SYT1: variants seen among roughly 807,000 people sequenced by gnomAD.
SYT1 encodes the protein synaptotagmin-1.
In SYT1, 8 loss-of-function variants were observed where a neutral mutation model predicts 44.8. The observed-to-expected ratio is 0.18, with a 90% confidence interval of 0.10 to 0.32. The LOEUF is 0.32. Among genes scored for constraint, SYT1 ranks in the 10% least tolerant of loss-of-function variants. The pLI is 1.00. For synonymous variants in SYT1, 154 were observed against 188.8 expected (o/e 0.82, Z 1.51); for missense variants, 286 against 509.3 (o/e 0.56, Z 4.22).
chr12:79,401,153 T>A (rs1374651022), intron 9 of SYT1, among the ~76,000 whole-genome samples: 1 of 152,210 alleles, frequency 6.6e-6, no homozygotes, highest in Non-Finnish European at 1.5e-5. Context: ...CAAGGGCCAA[T>A]GGAATACTGG....
At chr12:79,198,606 G>A (rs911813877) in intron 3 of SYT1, among the ~76,000 whole-genome samples, 4 of 151,966 alleles carry the variant, frequency 2.6e-5, no homozygotes, top group South Asian at 2.1e-4. Context: ...CTCTCTGGAC[G>A]GTTTTGGAAT....
rs181939975 is a variant in SYT1 at position 79,081,949 on chromosome 12, A to G, written c.-18+34587A>G. On this transcript the variant is annotated intron_variant, in intron 3 of 10. Coordinates refer to ENST00000261205, the MANE Select transcript of SYT1 (RefSeq NM_005639.3). ...ATAAGCCTCTTATTTTCAAACCTGA[A>G]ATAAATACAAAAATATATAGAAAAA... 3.1e-4 allele frequency among the ~76,000 whole-genome samples: 47 copies of G among 152,278 alleles called. 1 individual carries two copies. The East Asian group carries it at 8.5e-3, about 28-fold the overall frequency.
At chr12:79,294,214 T>C (rs1879771675) in intron 6 of SYT1, among the ~76,000 whole-genome samples, 1 of 152,036 alleles carries the variant, frequency 6.6e-6, no homozygotes, top group South Asian at 2.1e-4. Flanking sequence ...AGAAAATAAA[T>C]AATAACACTG....
chr12:79,372,631 A>T (rs1883837190), intron 9 of SYT1, among the ~76,000 whole-genome samples: 1 of 152,206 alleles, frequency 6.6e-6, no homozygotes, highest in African/African-American at 2.4e-5. Flanking sequence ...GGCTGACAGT[A>T]TTTCTGAACA....
intron 3 of SYT1, among the ~76,000 whole-genome samples, chr12:79,185,446 C>T (rs918901487): frequency 6.6e-6 from 1 of 151,912 alleles, no homozygotes; most frequent in East Asian, 1.9e-4. Flanking sequence ...TTTCCAATAT[C>T]CCTTCTGTGT....
chr12:79,149,644 A>T (rs1375257920), intron 3 of SYT1, among the ~76,000 whole-genome samples: 1 of 152,156 alleles, frequency 6.6e-6, no homozygotes, highest in Non-Finnish European at 1.5e-5. Flanking sequence ...TTGATAAGTG[A>T]TAAATTTAAA....
At chr12:78,994,830 C>T (rs1354613945) in intron 2 of SYT1, among the ~76,000 whole-genome samples, 9 of 152,098 alleles carry the variant, frequency 5.9e-5, no homozygotes, top group African/African-American at 1.2e-4. Context: ...CCACTGTGCC[C>T]GGCCAATATT....
chr12:79,412,847 A>G (rs893243562), intron 9 of SYT1, among the ~76,000 whole-genome samples: 2 of 152,192 alleles, frequency 1.3e-5, no homozygotes, highest in Non-Finnish European at 2.9e-5. Context: ...TTGCTCAGCA[A>G]TAAACATCAT....
chr12:79,121,919 C>A (rs1192969341), intron 3 of SYT1, among the ~76,000 whole-genome samples: 1 of 152,068 alleles, frequency 6.6e-6, no homozygotes, highest in African/African-American at 2.4e-5. Flanking sequence ...TACAAGATAG[C>A]CTGATATATA....
intron 8 of SYT1, among the ~76,000 whole-genome samples, chr12:79,313,383 G>C (rs1434005071): frequency 6.6e-6 from 1 of 152,094 alleles, no homozygotes; most frequent in Non-Finnish European, 1.5e-5. Context: ...ATTTCTCAAG[G>C]TTCTTGCTGC....
At chr12:79,036,262 G>C (rs962957331) in intron 2 of SYT1, among the ~76,000 whole-genome samples, 1 of 151,766 alleles carries the variant, frequency 6.6e-6, no homozygotes, top group Non-Finnish European at 1.5e-5. Context: ...TTGTGTTACA[G>C]AATGTAAGTA....
chr12:79,260,081 G>A (rs994392093), intron 4 of SYT1, among the ~76,000 whole-genome samples: 1 of 152,168 alleles, frequency 6.6e-6, no homozygotes, highest in Non-Finnish European at 1.5e-5. Context: ...TGAAACTGGA[G>A]AGTATTGTAT....
At chr12:79,125,970 G>A (rs1031439457) in intron 3 of SYT1, among the ~76,000 whole-genome samples, 3 of 151,928 alleles carry the variant, frequency 2.0e-5, no homozygotes, top group Non-Finnish European at 4.4e-5. Context: ...ATTTAGTGTC[G>A]TTCTCAGTCC....
chr12:79,117,662 CATAT>C (rs57706449), intron 3 of SYT1, among the ~76,000 whole-genome samples: 891 of 38,852 alleles, frequency 0.023, 19 homozygotes, highest in Non-Finnish European at 0.024. Context: ...TGTATTACAT[CATAT>C]ATATATATAT....
intron 4 of SYT1, among the ~76,000 whole-genome samples, chr12:79,249,528 A>G (rs1224966260): frequency 6.6e-6 from 1 of 152,214 alleles, no homozygotes. Flanking sequence ...CTAGACTAGC[A>G]GCCCAATCAG....
Position 79,139,502 on chromosome 12 carries a change from TA to T in SYT1, c.-17-78000del, listed in dbSNP as rs1430693297. On this transcript the variant is annotated intron_variant, in intron 3 of 10. Coordinates refer to ENST00000261205, the MANE Select transcript of SYT1 (RefSeq NM_005639.3). ...TCTTAGGCTTATAAATATAAAGGAGTATTCCATAGTTATTTTATCTTCCTAT... is the reference window on the plus strand; with the variant it reads ...TCTTAGGCTTATAAATATAAAGGAGTTTCCATAGTTATTTTATCTTCCTAT... Among the ~76,000 whole-genome samples the T allele has an allele frequency of 2.6e-5, 4 of 152,064 alleles. No individual in the cohort carries two copies. In the East Asian group the frequency reaches 5.8e-4, roughly 22 times the overall value.
At chr12:79,194,674 A>G (rs530759403) in intron 3 of SYT1, among the ~76,000 whole-genome samples, 7 of 152,274 alleles carry the variant, frequency 4.6e-5, no homozygotes, top group Non-Finnish European at 1.0e-4. Flanking sequence ...CACTTGAAAC[A>G]CATAAATATA....
At chr12:79,194,654 T>TAC (rs1180211899) in intron 3 of SYT1, among the ~76,000 whole-genome samples, 20 of 152,138 alleles carry the variant, frequency 1.3e-4, no homozygotes, top group East Asian at 1.9e-4. Context: ...AACCACTGTG[T>TAC]ACACACACAC....
chr12:78,889,104 A>T (rs1408967506), intron 1 of SYT1, among the ~76,000 whole-genome samples: 1 of 151,786 alleles, frequency 6.6e-6, no homozygotes, highest in African/African-American at 2.4e-5. Flanking sequence ...TTATTTGAGA[A>T]CCTTATAGTT....
Sources: allele counts gnomAD v4.1 joint callset (sites outside exome capture counted in the v4.1 genomes callset), GRCh38; gene constraint gnomAD v4.1.1; transcripts MANE v1.5; gene names NCBI Gene and HGNC (gene_info 2026-07-23, HGNC 2026-07-21).